Variants in EDIL3 observed in about 807,000 individuals in gnomAD.
EDIL3 encodes EGF like and discoidin domains 3, also known as EGF-like repeat and discoidin I-like domain-containing protein 3.
Under a neutral mutation model 67.4 loss-of-function variants are expected in EDIL3, and 37 were observed. The observed-to-expected ratio is 0.55, with a 90% CI of 0.42 to 0.72. The LOEUF is 0.72. Ranked by LOEUF, EDIL3 falls within the 30% of genes least tolerant of loss-of-function variation. The pLI is 0.00. For synonymous variants in EDIL3, 195 were observed against 196.3 expected (o/e 0.99, Z 0.05); for missense variants, 527 against 586.3 (o/e 0.90, Z 1.04).
At chr5:84,364,576 C>T (rs1241674020) in intron 1 of EDIL3, among the ~76,000 whole-genome samples, 1 of 152,086 alleles carries the variant, frequency 6.6e-6, no homozygotes, top group Non-Finnish European at 1.5e-5. Flanking sequence ...AGGTAAGACT[C>T]CTAATCAGCT....
At chr5:84,334,916 A>C (rs2112170206) in intron 1 of EDIL3, among the ~76,000 whole-genome samples, 1 of 152,280 alleles carries the variant, frequency 6.6e-6, no homozygotes, top group African/African-American at 2.4e-5. Context: ...TAAATCCTTT[A>C]CTATTTTCTT....
chr5:83,965,406 G>C (rs1322716881), intron 9 of EDIL3, among the ~76,000 whole-genome samples: 1 of 152,030 alleles, frequency 6.6e-6, no homozygotes. Context: ...AGACAGCAGG[G>C]CAAAGCTGCT....
At chr5:84,317,992 A>T (rs1746550291) in intron 1 of EDIL3, among the ~76,000 whole-genome samples, 1 of 152,160 alleles carries the variant, frequency 6.6e-6, no homozygotes, top group South Asian at 2.1e-4. Flanking sequence ...AATGTGCAAA[A>T]ACCACAGACA....
intron 5 of EDIL3, among the ~76,000 whole-genome samples, chr5:84,124,125 A>C (rs1747822904): frequency 6.6e-6 from 1 of 151,960 alleles, no homozygotes; most frequent in African/African-American, 2.4e-5. Context: ...CCAGGTATGC[A>C]TAAAATACTT....
intron 5 of EDIL3, among the ~76,000 whole-genome samples, chr5:84,122,544 A>C (rs1258396005): frequency 3.3e-5 from 5 of 151,852 alleles, no homozygotes; most frequent in Non-Finnish European, 7.4e-5. Flanking sequence ...AATTGAGGCA[A>C]TTGAGACTCA....
At chr5:84,043,514 G>GA (rs879540515) in intron 9 of EDIL3, among the ~76,000 whole-genome samples, 5 of 152,108 alleles carry the variant, frequency 3.3e-5, no homozygotes, top group Non-Finnish European at 5.9e-5. Flanking sequence ...GTGCTGTACT[G>GA]AAAAAATCAT....
chr5:84,179,124 T>C (rs978248073), intron 4 of EDIL3, among the ~76,000 whole-genome samples: 1 of 152,116 alleles, frequency 6.6e-6, no homozygotes, highest in African/African-American at 2.4e-5. Flanking sequence ...TGATGCCACA[T>C]CACAGGGTAA....
chr5:84,208,719 G>C (rs1347725865), intron 3 of EDIL3, among the ~76,000 whole-genome samples: 79 of 139,046 alleles, frequency 5.7e-4, no homozygotes, highest in African/African-American at 2.0e-3. Context: ...AAAAAGTCAG[G>C]AAACAACAGG....
intron 3 of EDIL3, among the ~76,000 whole-genome samples, chr5:84,196,557 T>C (rs1743710056): frequency 6.6e-6 from 1 of 152,038 alleles, no homozygotes; most frequent in South Asian, 2.1e-4. Context: ...GTTGTTATTG[T>C]CCCTCTCCCC....
At chr5:84,246,118 T>C (rs1744905296) in intron 2 of EDIL3, among the ~76,000 whole-genome samples, 1 of 152,186 alleles carries the variant, frequency 6.6e-6, no homozygotes, top group Admixed American at 6.5e-5. Flanking sequence ...AATAAAACTC[T>C]TCAAAAATAA....
chr5:84,018,344 C>T (rs761026060), intron 9 of EDIL3, among the ~76,000 whole-genome samples: 9 of 152,254 alleles, frequency 5.9e-5, no homozygotes, highest in Non-Finnish European at 8.8e-5. Context: ...GAAGAACTGA[C>T]GGTTAAGAAA....
At chr5:84,187,513 A>C (rs1034609264) in intron 3 of EDIL3, among the ~76,000 whole-genome samples, 3 of 152,072 alleles carry the variant, frequency 2.0e-5, no homozygotes, top group Non-Finnish European at 2.9e-5. Context: ...TAGATATCAA[A>C]ATAAATGTAC....
intron 1 of EDIL3, among the ~76,000 whole-genome samples, chr5:84,359,633 A>C (rs1279528646): frequency 6.6e-6 from 1 of 152,196 alleles, no homozygotes; most frequent in Non-Finnish European, 1.5e-5. Context: ...AAACTAAGGG[A>C]ATCTATTACT....
At chr5:84,105,372 A>C (rs1304264725) in intron 6 of EDIL3, among the ~76,000 whole-genome samples, 1 of 152,094 alleles carries the variant, frequency 6.6e-6, no homozygotes, top group South Asian at 2.1e-4. Flanking sequence ...AGAAATGTTT[A>C]TGAGACATAT....
At chr5:84,109,691 C>T (rs1445170702) in intron 5 of EDIL3, among the ~76,000 whole-genome samples, 1 of 151,992 alleles carries the variant, frequency 6.6e-6, no homozygotes, top group Admixed American at 6.6e-5. Context: ...TTTAAACAAA[C>T]AAAAACAAAC....
chr5:84,181,247 C>A (rs1749007201), intron 3 of EDIL3: 1 of 152,182 alleles, frequency 6.6e-6, no homozygotes, highest in South Asian at 2.1e-4. Context: ...AAGTGTGGTG[C>A]TGCTCAGAGC....
intron 9 of EDIL3, among the ~76,000 whole-genome samples, chr5:84,033,907 A>G (rs1395432240): frequency 6.6e-6 from 1 of 152,028 alleles, no homozygotes; most frequent in Admixed American, 6.6e-5. Flanking sequence ...ACAGTTAGAC[A>G]ACAAAGATAG....
intron 1 of EDIL3, among the ~76,000 whole-genome samples, chr5:84,306,255 A>G (rs1223056118): frequency 1.3e-5 from 2 of 152,214 alleles, no homozygotes; most frequent in African/African-American, 4.8e-5. Context: ...GGCTTGAAAC[A>G]GAGGAGACCA....
intron 9 of EDIL3, among the ~76,000 whole-genome samples, chr5:84,041,369 C>T (rs905103947): frequency 3.3e-5 from 5 of 151,656 alleles, no homozygotes; most frequent in Non-Finnish European, 5.9e-5. Flanking sequence ...GATTCTGATG[C>T]AGGAGGTCTC....
Sources: allele counts gnomAD v4.1 joint callset (sites outside exome capture counted in the v4.1 genomes callset), GRCh38; gene constraint gnomAD v4.1.1; transcripts MANE v1.5; gene names NCBI Gene and HGNC (gene_info 2026-07-23, HGNC 2026-07-21).